Variants in DDX31 observed in about 807,000 individuals in gnomAD.
DDX31 encodes DEAD-box helicase 31, also known as ATP-dependent DNA helicase DDX31.
In DDX31, 70 loss-of-function variants were observed where a neutral mutation model predicts 91.3. The ratio of observed to expected loss-of-function variants is 0.77; its 90% CI spans 0.63 to 0.94. The LOEUF (loss-of-function observed/expected upper bound fraction) is 0.94, where lower values mean the gene tolerates loss of function less well. DDX31 is among the 40% of genes least tolerant of loss of function. The pLI is 0.00. For missense variants in DDX31, 902 were observed against 925.0 expected, an observed-to-expected ratio of 0.98 and a Z score of 0.32; for synonymous variants, 362 against 350.6, an observed-to-expected ratio of 1.03 and a Z score of -0.36.
At chr9:132,668,926 C>T (rs1225109174) in intron 1 of DDX31, among the ~76,000 whole-genome samples, 1 of 152,166 alleles carries the variant, frequency 6.6e-6, no homozygotes, top group Non-Finnish European at 1.5e-5. Context: ...TTCAGAAATA[C>T]ACTGGTTTTG....
chr9:132,648,557 T>C lies in DDX31; in HGVS notation c.741-6A>G. ...TATTTATTCCTTTGCGGAGTCTGTTTAAAATTATATATCATAAAAGAAAGT... is the reference window on the plus strand; with the variant it reads ...TATTTATTCCTTTGCGGAGTCTGTTCAAAATTATATATCATAAAAGAAAGT... On this transcript the variant is annotated splice_region_variant and splice_polypyrimidine_tract_variant and intron_variant, in intron 9 of 19. Coordinates refer to ENST00000372159, the MANE Select transcript of DDX31 (RefSeq NM_022779.9). 1 of 1,601,530 alleles carries C rather than the reference T, an allele frequency of 6.2e-7. No individual in the cohort carries two copies. The highest frequency in any genetic ancestry group is 8.5e-7 in the Non-Finnish European group (1 of 1,175,902).
chr9:132,659,613 C>A, intron 5 of DDX31, 97 bp downstream of exon 5: 1 of 1,237,090 alleles, frequency 8.1e-7, no homozygotes, highest in Non-Finnish European at 1.1e-6. Flanking sequence ...CGAAACAAAA[C>A]TGCCACCACC....
chr9:132,660,839 G>A (rs1340142729), intron 4 of DDX31, among the ~76,000 whole-genome samples: 1 of 152,086 alleles, frequency 6.6e-6, no homozygotes, highest in Non-Finnish European at 1.5e-5. Context: ...CTATCCAACT[G>A]AACATTTACT....
intron 6 of DDX31, among the ~76,000 whole-genome samples, chr9:132,653,866 A>T (rs1179065845): frequency 6.6e-6 from 1 of 152,030 alleles, no homozygotes; most frequent in East Asian, 1.9e-4. Context: ...AAAATAACCA[A>T]GACATTTATG....
chr9:132,657,548 G>A lies in DDX31; in HGVS notation c.588+1123C>T, dbSNP rs1015711666. Among the ~76,000 whole-genome samples the A allele has an allele frequency of 3.9e-5, 6 of 152,152 alleles. No individual in the cohort carries two copies. The South Asian group carries it at 8.3e-4, about 21-fold the overall frequency. On this transcript the variant is annotated intron_variant, in intron 6 of 19. Transcript: ENST00000372159. ...TTTATTTGTATCAGTTTGAACTCAC[G>A]GATATTTTGTTTTAGTTTATAGACT...
At chr9:132,669,511 A>C in intron 1 of DDX31, 2 of 1,291,418 alleles carry the variant, frequency 1.5e-6, no homozygotes, top group Admixed American at 2.3e-5. Flanking sequence ...CAGTCGAGGA[A>C]ACTGGCTTAG....
At chr9:132,663,189 AG>A in intron 1 of DDX31, 1 of 1,289,460 alleles carries the variant, frequency 7.8e-7, no homozygotes, top group Non-Finnish European at 1.0e-6. Flanking sequence ...TGCGCATCTC[AG>A]CCCGTGCCCA....
intron 16 of DDX31, among the ~76,000 whole-genome samples, chr9:132,627,875 C>A (rs1177367405): frequency 6.6e-6 from 1 of 152,246 alleles, no homozygotes; most frequent in Admixed American, 6.5e-5. Flanking sequence ...CCCAACGCCC[C>A]TCTGCCTGGC....
chr9:132,604,523 C>T (rs1307363000), intron 19 of DDX31, among the ~76,000 whole-genome samples: 1 of 152,142 alleles, frequency 6.6e-6, no homozygotes, highest in Admixed American at 6.5e-5. Context: ...CACCTTGCTG[C>T]CCTGCCATGT....
intron 6 of DDX31, among the ~76,000 whole-genome samples, chr9:132,655,957 T>C (rs989929135): frequency 1.3e-5 from 2 of 152,172 alleles, no homozygotes; most frequent in South Asian, 4.1e-4. Flanking sequence ...GAATGGTAAA[T>C]ATGCTAGTAC....
rs921360917 is a variant in DDX31, at chr9:132,595,898, G to A, written c.1995-786C>T. Among the ~76,000 whole-genome samples the A allele has an allele frequency of 2.0e-5, 3 of 152,182 alleles. No individual in the cohort carries two copies. The highest frequency in any genetic ancestry group is 1.9e-4 in the East Asian group (1 of 5,204). On this transcript the variant is annotated intron_variant, in intron 19 of 19. Coordinates refer to ENST00000372159, the MANE Select transcript of DDX31 (RefSeq NM_022779.9). The surrounding 1 kb of genome is among the most constrained non-coding windows in gnomAD (Gnocchi z 4.6). The stretch of plus-strand genomic sequence containing the variant: ...AAGATGGCAATTTTACCATTTGATC[G>A]GAAGATCAGAGGAGGAAATTTGTAG...
At chr9:132,661,814 C>T (rs1834971925) in intron 3 of DDX31, among the ~76,000 whole-genome samples, 1 of 152,010 alleles carries the variant, frequency 6.6e-6, no homozygotes, top group Non-Finnish European at 1.5e-5. Flanking sequence ...CTCTTCTTCC[C>T]TTACTTCTCT....
chr9:132,601,497 C>T (rs1288993167), intron 19 of DDX31, among the ~76,000 whole-genome samples: 2 of 152,158 alleles, frequency 1.3e-5, no homozygotes, highest in African/African-American at 4.8e-5. Context: ...CCACAATGGC[C>T]ATCCATCATG....
intron 6 of DDX31, among the ~76,000 whole-genome samples, chr9:132,657,754 T>A (rs1834663671): frequency 6.6e-6 from 1 of 152,210 alleles, no homozygotes; most frequent in African/African-American, 2.4e-5. Flanking sequence ...GCTGTATTTG[T>A]AGGATCCTGG....
At chr9:132,607,110 G>C (rs754161514) in intron 19 of DDX31, among the ~76,000 whole-genome samples, 1 of 152,210 alleles carries the variant, frequency 6.6e-6, no homozygotes, top group Non-Finnish European at 1.5e-5. Flanking sequence ...ATGACTTCTA[G>C]AACTTCAGAA....
chr9:132,627,903 C>T (rs746148776), intron 16 of DDX31, among the ~76,000 whole-genome samples: 19 of 152,242 alleles, frequency 1.2e-4, no homozygotes, highest in Non-Finnish European at 2.4e-4. Flanking sequence ...TTCTCAGGCA[C>T]GAAACATGCA....
intron 19 of DDX31, among the ~76,000 whole-genome samples, chr9:132,606,158 C>T (rs547739354): frequency 7.2e-4 from 110 of 152,312 alleles, no homozygotes; most frequent in African/African-American, 2.5e-3. Context: ...GTGGTTTCGT[C>T]CAGCCTCTCA....
chr9:132,663,121 T>A, intron 1 of DDX31: 1 of 1,250,048 alleles, frequency 8.0e-7, no homozygotes, highest in Non-Finnish European at 1.0e-6. Context: ...AAACGAATCT[T>A]TTCTCTCCAC....
At chr9:132,646,574 AAT>A (rs1245186371) in intron 12 of DDX31, among the ~76,000 whole-genome samples, 1 of 152,172 alleles carries the variant, frequency 6.6e-6, no homozygotes, top group Non-Finnish European at 1.5e-5. Flanking sequence ...TGATGTTCCT[AAT>A]ATCAGTCCCA....
Sources: allele counts gnomAD v4.1 joint callset (sites outside exome capture counted in the v4.1 genomes callset), GRCh38; gene constraint gnomAD v4.1.1; non-coding constraint Gnocchi (gnomAD v3.1); transcripts MANE v1.5; gene names NCBI Gene and HGNC (gene_info 2026-07-23, HGNC 2026-07-21).